The following MTSS1 variants were observed in gnomAD, a reference collection of about 807,000 sequenced individuals.
MTSS1 encodes the protein protein MTSS 1.
MTSS1 carries 18 observed loss-of-function variants against 79.0 expected under a neutral mutation model. That is an observed-to-expected ratio of 0.23 (90% CI 0.16 to 0.34). MTSS1 has a LOEUF of 0.34. MTSS1 is among the 10% of genes least tolerant of loss of function. The pLI is 1.00. For missense variants in MTSS1, 815 were observed against 986.2 expected (o/e 0.83, Z 2.33); for synonymous variants, 341 against 368.6 (o/e 0.93, Z 0.86).
chr8:124,643,007 T>C (rs73343944), intron 3 of MTSS1, among the ~76,000 whole-genome samples: 4,709 of 152,284 alleles, frequency 0.031, 233 homozygotes, highest in African/African-American at 0.11. Flanking sequence ...ACTTAGCACA[T>C]ACAATAAGTT....
chr8:124,727,784 G>A lies in MTSS1; in HGVS notation c.72+100C>T, dbSNP rs1833952601. The stretch of plus-strand genomic sequence containing the variant: ...CCCGCAGGTGGCCGGTGGCCACACT[G>A]CAGGGAAGGGCCGGGTGCCCGGCCC... On this transcript the variant is annotated intron_variant, in intron 1 of 13. Transcript: ENST00000518547. This position sits in a 1 kb window ranked among gnomAD's most constrained non-coding sequence, Gnocchi z 4.7. The A allele has an allele frequency of 9.3e-7, 1 of 1,079,496 alleles. No homozygotes were observed. Among genetic ancestry groups the A allele is most frequent in the East Asian group, 3.1e-5 (1 of 32,662 alleles). The allele number at this position is 1,079,496 out of a possible 1,614,324, so 66.9% of individuals were successfully genotyped here. A position where few individuals can be genotyped will look rare whatever the true frequency, so the allele number is the denominator to read the frequency against.
chr8:124,690,969 T>C (rs558344603), intron 3 of MTSS1, among the ~76,000 whole-genome samples: 6 of 152,328 alleles, frequency 3.9e-5, no homozygotes, highest in African/African-American at 1.4e-4. Context: ...GACACCCTAC[T>C]GTCCTGGGCT....
At position 124,557,722 on chromosome 8, in the gene MTSS1, C is replaced by T. The variant is rs1824241472; in HGVS notation, c.1189G>A (p.Gly397Arg). Residue 397 changes from glycine (G) to arginine (R), a missense_variant, in exon 11 of 14, where the codon GGG becomes AGG. Gly to Arg is a moderately radical substitution (Grantham distance 125). Coordinates refer to ENST00000518547, the MANE Select transcript of MTSS1 (RefSeq NM_014751.6). ...TGAGATGACGGGAACATGCCGGGCCCAATGGTGTAATAATGAGCGTAGTCT... is the reference window on the plus strand; with the variant it reads ...TGAGATGACGGGAACATGCCGGGCCTAATGGTGTAATAATGAGCGTAGTCT... The part of the protein sequence containing the change: ...LPDYAHYYTI[G>R]PGMFPSSQIP... 6.3e-7 allele frequency: 1 copy of T among 1,597,468 alleles called. No individual in the cohort carries two copies. The highest frequency in any genetic ancestry group is 8.5e-7 in the Non-Finnish European group (1 of 1,172,010).
intron 10 of MTSS1, among the ~76,000 whole-genome samples, chr8:124,560,263 G>C (rs966484302): frequency 6.6e-6 from 1 of 152,214 alleles, no homozygotes; most frequent in African/African-American, 2.4e-5. Flanking sequence ...GCTCATGCCT[G>C]TAATCCTGGC....
At chr8:124,652,631 C>T (rs2134197793) in intron 3 of MTSS1, among the ~76,000 whole-genome samples, 1 of 152,028 alleles carries the variant, frequency 6.6e-6, no homozygotes, top group South Asian at 2.1e-4. Flanking sequence ...CCCGTCTCTA[C>T]TAAAAATATA....
chr8:124,704,248 A>C, intron 1 of MTSS1, 57 bp from the exon 2 acceptor site: 1 of 1,414,190 alleles, frequency 7.1e-7, no homozygotes, highest in Non-Finnish European at 1.0e-6. Flanking sequence ...TGATTACTAC[A>C]TTAACAGAGC....
At position 124,553,274 on chromosome 8, in the gene MTSS1, G is replaced by A. The variant is rs144814634; in HGVS notation, c.1986C>T (p.Ser662=). The A allele has an allele frequency of 5.3e-5, 85 of 1,614,190 alleles. No homozygotes were observed. In the African/African-American group the frequency reaches 8.1e-4, roughly 15 times the overall value. ...EGPQGVTSMP[S]SMWSGQASVN... is the part of the protein sequence containing the mutation. ...CGGAAGCTTGGCCGCTCCACATTGA[G>A]GAGGGCATGCTGGTGACACCTTGGG... The change falls in exon 14 of 14, where the codon TCC becomes TCT. Residue 662 remains serine, a synonymous_variant. Transcript: ENST00000518547. This position sits in a 1 kb window ranked among gnomAD's most constrained non-coding sequence, Gnocchi z 6.0.
At chr8:124,645,176 C>T (rs1317887498) in intron 3 of MTSS1, among the ~76,000 whole-genome samples, 1 of 151,852 alleles carries the variant, frequency 6.6e-6, no homozygotes, top group African/African-American at 2.4e-5. Flanking sequence ...GAGACTAGCC[C>T]GGAAAACATG....
chr8:124,689,746 CAAAA>C (rs35782850), intron 3 of MTSS1, among the ~76,000 whole-genome samples: 4 of 94,308 alleles, frequency 4.2e-5, no homozygotes, highest in Admixed American at 1.1e-4. Context: ...AACTCCATCT[CAAAA>C]AAAAAAAAAA....
intron 3 of MTSS1, among the ~76,000 whole-genome samples, chr8:124,672,423 GAT>G (rs1824402186): frequency 6.6e-6 from 1 of 151,626 alleles, no homozygotes; most frequent in Non-Finnish European, 1.5e-5. Context: ...GAACCCGGGA[GAT>G]GGAGGTTGCA....
chr8:124,587,794 C>T (rs1483153632), intron 5 of MTSS1, among the ~76,000 whole-genome samples: 1 of 152,222 alleles, frequency 6.6e-6, no homozygotes. Context: ...CATGAGCCAC[C>T]ACGCCTGGCC....
At chr8:124,662,095 T>C (rs1435212380) in intron 3 of MTSS1, among the ~76,000 whole-genome samples, 1 of 152,078 alleles carries the variant, frequency 6.6e-6, no homozygotes, top group East Asian at 1.9e-4. Context: ...AAGGCAGGGG[T>C]GGCATGTTAG....
chr8:124,577,295 A>T (rs1451838659), intron 6 of MTSS1, among the ~76,000 whole-genome samples: 1 of 152,216 alleles, frequency 6.6e-6, no homozygotes. Context: ...TGTCACCCAG[A>T]CTGGAGTGCA....
rs986434433 is a variant in MTSS1, at chr8:124,728,289, C to G, written c.-334G>C. The G allele has an allele frequency of 9.1e-6, 2 of 220,626 alleles. No individual in the cohort carries two copies. Among genetic ancestry groups the G allele is most frequent in the Non-Finnish European group, 8.8e-6 (1 of 113,092 alleles). The allele number at this position is 220,626 out of a possible 1,614,324, so 13.7% of individuals were successfully genotyped here. ...GCCCATCTTGATGCAGAGAAAATCG[C>G]CCGCTGACCCGGGGCCAGCGCCATT... On this transcript the variant is annotated 5_prime_UTR_variant, in exon 1 of 14. Transcript: ENST00000518547. This position sits in a 1 kb window ranked among gnomAD's most constrained non-coding sequence, Gnocchi z 6.1.
chr8:124,633,155 T>A (rs959758764), intron 3 of MTSS1, among the ~76,000 whole-genome samples: 9 of 150,870 alleles, frequency 6.0e-5, no homozygotes, highest in African/African-American at 2.2e-4. Context: ...TATAAGAAAT[T>A]AAAATTACAA....
At chr8:124,721,968 G>A (rs893131283) in intron 1 of MTSS1, among the ~76,000 whole-genome samples, 8 of 152,140 alleles carry the variant, frequency 5.3e-5, no homozygotes, top group Non-Finnish European at 1.0e-4. Context: ...AGCCCCTGTC[G>A]CATAGTAGGC....
At chr8:124,599,854 A>G (rs1833468161) in intron 3 of MTSS1, among the ~76,000 whole-genome samples, 1 of 152,154 alleles carries the variant, frequency 6.6e-6, no homozygotes. Flanking sequence ...TGGCTAATCT[A>G]GAGTCTTAGC....
At chr8:124,566,295 AGTAT>A (rs1243359225) in intron 8 of MTSS1, 4 of 153,326 alleles carry the variant, frequency 2.6e-5, no homozygotes, top group African/African-American at 9.6e-5. Context: ...GGACCACATG[AGTAT>A]AAGGTCCACC....
At chr8:124,589,894 G>A (rs1831536387) in intron 4 of MTSS1, among the ~76,000 whole-genome samples, 183 bp from the exon 5 acceptor site, 1 of 152,152 alleles carries the variant, frequency 6.6e-6, no homozygotes, top group Non-Finnish European at 1.5e-5. Flanking sequence ...GTCTCGCTCT[G>A]TCACCAGGCT....
Sources: gnomAD v4.1 joint callset for allele counts (sites outside exome capture counted in the v4.1 genomes callset) on GRCh38, gnomAD v4.1.1 for gene constraint, Gnocchi (gnomAD v3.1) non-coding constraint, MANE v1.5 for transcripts, NCBI Gene and HGNC (gene_info 2026-07-23, HGNC 2026-07-21) for gene names.